The following OR4F15 variants were observed in gnomAD, a reference collection of about 807,000 sequenced individuals.
OR4F15 encodes the protein olfactory receptor 4F15.
A neutral mutation model predicts 11.9 loss-of-function variants in OR4F15; 7 were observed. The observed-to-expected ratio is 0.59, with a 90% CI of 0.33 to 1.10. The LOEUF is 1.10. OR4F15 is among the 50% of genes least tolerant of loss of function. OR4F15 has a pLI of 0.03. For missense variants in OR4F15, 445 were observed against 377.5 expected, an observed-to-expected ratio of 1.18 and a Z score of -1.48; for synonymous variants, 151 against 134.6, an observed-to-expected ratio of 1.12 and a Z score of -0.84.
chr15:101,818,935 T>A lies in OR4F15; in HGVS notation c.749T>A (p.Phe250Tyr). Reference protein sequence around the residue: ...LSAHVTVVILFFGPLMFFYTW... With the variant: ...LSAHVTVVILYFGPLMFFYTW... The stretch of plus-strand genomic sequence containing the variant: ...GCTCATGTCACTGTGGTCATCTTGT[T>A]CTTTGGGCCACTGATGTTTTTCTAC... Residue 250 changes from phenylalanine (F) to tyrosine (Y), a missense_variant, in exon 2 of 2, where the codon TTC becomes TAC. Transcript: ENST00000332238. 6.2e-7 allele frequency: 1 copy of A among 1,614,182 alleles called. No individual in the cohort carries two copies.
rs1298679884 is a variant in OR4F15 at position 101,818,613 on chromosome 15, T to C, written c.427T>C (p.Tyr143His). The C allele has an allele frequency of 1.2e-6, 2 of 1,614,074 alleles. No individual in the cohort carries two copies. The highest frequency in any genetic ancestry group is 1.3e-5 in the African/African-American group (1 of 74,938). Residue 143 changes from tyrosine to histidine, a missense_variant, in exon 2 of 2, where the codon TAC becomes CAC. Coordinates refer to ENST00000332238, the MANE Select transcript of OR4F15 (RefSeq NM_001001674.2). Reference sequence around the variant, plus strand: ...CATCATGAGCCCAAGAATGTGTCTATACTTTTTAGCCACTTCCTCTATCAT... The same window carrying C: ...CATCATGAGCCCAAGAATGTGTCTACACTTTTTAGCCACTTCCTCTATCAT... Reference protein sequence around the residue: ...LTIMSPRMCLYFLATSSIIGL... With the variant: ...LTIMSPRMCLHFLATSSIIGL...
In OR4F15 at chr15:101,819,067, T is replaced by C. The variant is rs1244004440; in HGVS notation, c.881T>C (p.Met294Thr). 2.5e-6 allele frequency: 4 copies of C among 1,613,866 alleles called. No homozygotes were observed. Among genetic ancestry groups the C allele is most frequent in the Admixed American group, 1.7e-5 (1 of 59,972 alleles). The change falls in exon 2 of 2, where the codon ATG (methionine) becomes ACG (threonine). Residue 294 changes from methionine (M) to threonine (T), a missense_variant. By Grantham distance (81) the Met-to-Thr change is moderately conservative (BLOSUM62 -1). Transcript: ENST00000332238. ...PVIYTFRNKD[M>T]KVAMRRLCSR... ...ATCTACACATTCAGGAACAAAGACA[T>C]GAAAGTGGCAATGAGGAGACTGTGC...
In OR4F15 at chr15:101,818,900, T is replaced by C; in HGVS notation, c.714T>C (p.Ser238=). The part of the protein sequence containing the change: ...HSSGGLAKAL[S]TLSAHVTVVI... ...CTGGTGGTCTAGCCAAGGCCCTCTC[T>C]ACCCTGTCAGCTCATGTCACTGTGG... Residue 238 remains serine (S), a synonymous_variant, in exon 2 of 2, where the codon TCT becomes TCC. Transcript: ENST00000332238. 6.2e-7 allele frequency: 1 copy of C among 1,614,148 alleles called. No individual in the cohort carries two copies. Among genetic ancestry groups the C allele is most frequent in the Non-Finnish European group, 8.5e-7 (1 of 1,179,986 alleles).
chr15:101,812,385 C>T (rs185545143), intron 1 of OR4F15, 113 bp downstream of exon 1: 4 of 152,270 alleles, frequency 2.6e-5, no homozygotes, highest in African/African-American at 7.2e-5. Flanking sequence ...AAGAATTAAC[C>T]TTAGTTTTTA....
chr15:101,814,238 C>T (rs969521868), intron 1 of OR4F15, among the ~76,000 whole-genome samples: 2 of 152,206 alleles, frequency 1.3e-5, no homozygotes, highest in Non-Finnish European at 2.9e-5. Context: ...ATTCCTGCGA[C>T]TCTTATTCTC....
At chr15:101,817,610 G>A (rs1903012853) in intron 1 of OR4F15, among the ~76,000 whole-genome samples, 2 of 152,190 alleles carry the variant, frequency 1.3e-5, no homozygotes, top group South Asian at 4.1e-4. Context: ...TCACACATAA[G>A]CGAGAATTTG....
In OR4F15 at chr15:101,818,622, G is replaced by A; in HGVS notation, c.436G>A (p.Ala146Thr). ...MSPRMCLYFL[A>T]TSSIIGLIHS... Reference sequence around the variant, plus strand: ...CCCAAGAATGTGTCTATACTTTTTAGCCACTTCCTCTATCATTGGCCTTAT... The same window carrying A: ...CCCAAGAATGTGTCTATACTTTTTAACCACTTCCTCTATCATTGGCCTTAT... Residue 146 changes from alanine to threonine, a missense_variant, in exon 2 of 2, where the codon GCC (alanine) becomes ACC (threonine). Coordinates refer to ENST00000332238, the MANE Select transcript of OR4F15 (RefSeq NM_001001674.2). 1 of 1,614,094 alleles carries A rather than the reference G, an allele frequency of 6.2e-7. No homozygotes were observed. The highest frequency in any genetic ancestry group is 8.5e-7 in the Non-Finnish European group (1 of 1,180,014).
chr15:101,818,945 A>G lies in OR4F15; in HGVS notation c.759A>G (p.Pro253=). ...HVTVVILFFG[P]LMFFYTWPSP... The stretch of plus-strand genomic sequence containing the variant: ...CTGTGGTCATCTTGTTCTTTGGGCC[A>G]CTGATGTTTTTCTACACATGGCCTT... Residue 253 remains proline (P), a synonymous_variant, in exon 2 of 2, where the codon CCA becomes CCG. Coordinates refer to ENST00000332238, the MANE Select transcript of OR4F15 (RefSeq NM_001001674.2). 2 of 1,614,118 alleles carry G rather than the reference A, an allele frequency of 1.2e-6. No individual in the cohort carries two copies. Among genetic ancestry groups the G allele is most frequent in the Non-Finnish European group, 1.7e-6 (2 of 1,180,016 alleles).
rs899771269 is a variant in OR4F15, at chr15:101,819,601, G to A, written c.*476G>A. The A allele has an allele frequency of 1.3e-5, 2 of 153,122 alleles. No individual in the cohort carries two copies. Among genetic ancestry groups the A allele is most frequent in the Non-Finnish European group, 1.5e-5 (1 of 68,802 alleles). 9.5% of individuals were successfully genotyped at this position (153,122 alleles called of 1,614,324 possible). On this transcript the variant is annotated 3_prime_UTR_variant, in exon 2 of 2. Transcript: ENST00000332238. ...AGCTCACTGCAACCTCTGCCTCTCC[G>A]GTTCAAGGGTTCGAGTAATTCTCCT... is the stretch of plus-strand genomic sequence containing the variant.
chr15:101,814,911 C>T (rs1327060739), intron 1 of OR4F15, among the ~76,000 whole-genome samples: 1 of 152,094 alleles, frequency 6.6e-6, no homozygotes, highest in Non-Finnish European at 1.5e-5. Context: ...TCTGAGTTGT[C>T]AGTTTTTGCT....
chr15:101,812,316 G>A (rs919273654), intron 1 of OR4F15, 44 bp downstream of exon 1: 2 of 152,086 alleles, frequency 1.3e-5, no homozygotes, highest in Non-Finnish European at 2.9e-5. Flanking sequence ...AGGTGGTTGT[G>A]GTGGGGAAAT....
chr15:101,813,278 G>C (rs1471610637), intron 1 of OR4F15, among the ~76,000 whole-genome samples: 1 of 152,182 alleles, frequency 6.6e-6, no homozygotes, highest in Non-Finnish European at 1.5e-5. Flanking sequence ...GGAGGCCGAG[G>C]TGGACAGATC....
Position 101,819,189 on chromosome 15 carries a change from T to G in OR4F15, c.*64T>G. 9.0e-7 allele frequency: 1 copy of G among 1,110,276 alleles called. No homozygotes were observed. Among genetic ancestry groups the G allele is most frequent in the Non-Finnish European group, 1.3e-6 (1 of 784,378 alleles). The allele number at this position is 1,110,276 out of a possible 1,614,324, so 68.8% of individuals were successfully genotyped here. A position where few individuals can be genotyped will look rare whatever the true frequency, so the allele number is the denominator to read the frequency against. On this transcript the variant is annotated 3_prime_UTR_variant, in exon 2 of 2. Transcript: ENST00000332238. The stretch of plus-strand genomic sequence containing the variant: ...CTCATGCTGATTGCATAAAAGAAAC[T>G]GCAATTTCAGAGAAATACTGAAGAC...
chr15:101,818,343 G>A lies in OR4F15; in HGVS notation c.157G>A (p.Ala53Thr), dbSNP rs1903031841. The A allele has an allele frequency of 6.2e-7, 1 of 1,614,114 alleles. No individual in the cohort carries two copies. Among genetic ancestry groups the A allele is most frequent in the Non-Finnish European group, 8.5e-7 (1 of 1,179,980 alleles). Reference sequence around the variant, plus strand: ...CATTGTATTCACTGTAACCATGGATGCTCATCTGCACTCCCCCATGTATTT... The same window carrying A: ...CATTGTATTCACTGTAACCATGGATACTCATCTGCACTCCCCCATGTATTT... Reference protein sequence around the residue: ...LVIVFTVTMDAHLHSPMYFLL... With the variant: ...LVIVFTVTMDTHLHSPMYFLL... The change falls in exon 2 of 2, where the codon GCT becomes ACT. Residue 53 changes from alanine (A) to threonine (T), a missense_variant. Physicochemically the swap from Ala to Thr is moderately conservative, Grantham distance 58. Coordinates refer to ENST00000332238, the MANE Select transcript of OR4F15 (RefSeq NM_001001674.2).
chr15:101,816,369 C>T lies in OR4F15; in HGVS notation c.-37-1781C>T, dbSNP rs535871701. The stretch of plus-strand genomic sequence containing the variant: ...CAAGAAACGGATTCTTTTCTAGAAG[C>T]TCCAGGAGGAATGCAGCTCTGTTGA... On this transcript the variant is annotated intron_variant, in intron 1 of 1. Coordinates refer to ENST00000332238, the MANE Select transcript of OR4F15 (RefSeq NM_001001674.2). Among the ~76,000 whole-genome samples the T allele has an allele frequency of 6.6e-5, 10 of 152,250 alleles. No homozygotes were observed. The South Asian group carries it at 1.5e-3, about 22-fold the overall frequency.
intron 1 of OR4F15, among the ~76,000 whole-genome samples, 168 bp from the exon 2 acceptor site, chr15:101,817,982 A>G (rs1219844060): frequency 6.6e-6 from 1 of 152,216 alleles, no homozygotes; most frequent in Non-Finnish European, 1.5e-5. Flanking sequence ...CATAATGCCA[A>G]ATAGCAGCCA....
In OR4F15 at chr15:101,812,700, C is replaced by G. The variant is rs535229374; in HGVS notation, c.-38+428C>G. On this transcript the variant is annotated intron_variant, in intron 1 of 1. Coordinates refer to ENST00000332238, the MANE Select transcript of OR4F15 (RefSeq NM_001001674.2). ...AGATGAAATTCCAGTTTCATGGACT[C>G]AAGATGGAGAAGGAATAATTGAAAA... Among the ~76,000 whole-genome samples, 120 of 152,104 alleles carry G rather than the reference C, an allele frequency of 7.9e-4. 2 individuals are homozygous for G. In the South Asian group the frequency reaches 0.022, roughly 28 times the overall value.
At chr15:101,816,086 C>T (rs1015557717) in intron 1 of OR4F15, among the ~76,000 whole-genome samples, 1 of 152,068 alleles carries the variant, frequency 6.6e-6, no homozygotes, top group Non-Finnish European at 1.5e-5. Flanking sequence ...GAAAGCTGTG[C>T]TGTATAGAAT....
Position 101,819,172 on chromosome 15 carries a change from G to T in OR4F15, c.*47G>T. The T allele has an allele frequency of 7.7e-7, 1 of 1,292,606 alleles. No homozygotes were observed. Among genetic ancestry groups the T allele is most frequent in the South Asian group, 1.5e-5 (1 of 68,500 alleles). 80.1% of individuals were successfully genotyped at this position (1,292,606 alleles called of 1,614,324 possible). On this transcript the variant is annotated 3_prime_UTR_variant, in exon 2 of 2. Coordinates refer to ENST00000332238, the MANE Select transcript of OR4F15 (RefSeq NM_001001674.2). Reference sequence around the variant, plus strand: ...GTAACTATGGATTACTCCTCATGCTGATTGCATAAAAGAAACTGCAATTTC... The same window carrying T: ...GTAACTATGGATTACTCCTCATGCTTATTGCATAAAAGAAACTGCAATTTC...
Sources: allele counts gnomAD v4.1 joint callset (sites outside exome capture counted in the v4.1 genomes callset), GRCh38; gene constraint gnomAD v4.1.1; transcripts MANE v1.5; gene names NCBI Gene and HGNC (gene_info 2026-07-23, HGNC 2026-07-21).